The following LCORL variants were observed in gnomAD, a reference collection of about 807,000 sequenced individuals.
LCORL encodes ligand-dependent nuclear receptor corepressor-like protein.
LCORL carries 41 observed loss-of-function variants against 141.8 expected under a neutral mutation model. The ratio of observed to expected loss-of-function variants is 0.29; its 90% CI spans 0.23 to 0.38. LCORL has a LOEUF of 0.38. Among genes scored for constraint, LCORL ranks in the 10% least tolerant of loss-of-function variants. LCORL has a pLI of 1.00. For synonymous variants in LCORL, 618 were observed against 694.1 expected (o/e 0.89, Z 1.72); for missense variants, 1,759 against 2,035.0 (o/e 0.86, Z 2.61).
intron 3 of LCORL, 136 bp from the exon 4 acceptor site, chr4:17,962,168 G>A: frequency 2.2e-6 from 1 of 460,234 alleles, no homozygotes; most frequent in South Asian, 5.9e-5. Context: ...TTAGATAGAG[G>A]GAACATAAAA....
chr4:17,950,182 C>T (rs931410012), intron 4 of LCORL, among the ~76,000 whole-genome samples: 1 of 151,998 alleles, frequency 6.6e-6, no homozygotes, highest in East Asian at 1.9e-4. Flanking sequence ...GGAAGCAATG[C>T]TTATTTTATG....
intron 1 of LCORL, among the ~76,000 whole-genome samples, chr4:18,017,534 T>C (rs559312543): frequency 6.6e-6 from 1 of 152,230 alleles, no homozygotes; most frequent in South Asian, 2.1e-4. Context: ...ATCTCTTAAG[T>C]GGTATTCCTG....
In LCORL at chr4:17,933,048, T is replaced by C. The variant is rs1434121102; in HGVS notation, c.431-23703A>G. 2.0e-5 allele frequency among the ~76,000 whole-genome samples: 3 copies of C among 152,222 alleles called. No individual in the cohort carries two copies. The East Asian group carries it at 5.8e-4, about 29-fold the overall frequency. On this transcript the variant is annotated intron_variant, in intron 4 of 7. Coordinates refer to ENST00000635767, the Ensembl canonical transcript of LCORL. ...AATGTTCTTGTTGAGAATTTTGATT[T>C]ACCTGATTTTTATCTTTGTGACTTA...
intron 1 of LCORL, among the ~76,000 whole-genome samples, chr4:18,000,793 T>C (rs1000138673): frequency 3.3e-5 from 5 of 152,234 alleles, no homozygotes; most frequent in Non-Finnish European, 5.9e-5. Flanking sequence ...GATGGGGATA[T>C]GAAGAGACTT....
In LCORL at chr4:18,011,681, C is replaced by A. The variant is rs1161314428; in HGVS notation, c.154+9917G>T. Among the ~76,000 whole-genome samples, 5 of 152,186 alleles carry A rather than the reference C, an allele frequency of 3.3e-5. No individual in the cohort carries two copies. In the East Asian group the frequency reaches 9.6e-4, roughly 29 times the overall value. ...GCAAACTATGGTTTATAGGCCAAAT[C>A]CACCTATTTTTATAAATAAATGTTA... On this transcript the variant is annotated intron_variant, in intron 1 of 7. Coordinates refer to ENST00000635767, the Ensembl canonical transcript of LCORL.
At chr4:17,867,332 T>C (rs146753562) in intron 7 of LCORL, among the ~76,000 whole-genome samples, 74 of 152,286 alleles carry the variant, frequency 4.9e-4, no homozygotes, top group Non-Finnish European at 8.4e-4. Flanking sequence ...CGGCAAACTT[T>C]TCTGCAAAGT....
Position 17,882,737 on chromosome 4 carries a change from G to A in LCORL, c.776+3331C>T, listed in dbSNP as rs1727741615. The A allele has an allele frequency of 6.1e-6, 6 of 983,714 alleles. No individual in the cohort carries two copies. In the South Asian group the frequency reaches 2.4e-4, roughly 39 times the overall value. 60.9% of individuals were successfully genotyped at this position (983,714 alleles called of 1,614,324 possible). A position where few individuals can be genotyped will look rare whatever the true frequency, so the allele number is the denominator to read the frequency against. The stretch of plus-strand genomic sequence containing the variant: ...AGCAAATATATTAAAGTTACACTGA[G>A]GTTTTTCAATAGTAGGAGTGTGTCA... On this transcript the variant is annotated intron_variant, in intron 6 of 7. Transcript: ENST00000635767.
chr4:17,996,656 A>C (rs1720964141), intron 1 of LCORL, among the ~76,000 whole-genome samples: 1 of 152,202 alleles, frequency 6.6e-6, no homozygotes, highest in Middle Eastern at 3.4e-3. Context: ...TTCCTCTGTA[A>C]AATTTCCAGA....
intron 4 of LCORL, among the ~76,000 whole-genome samples, chr4:17,932,240 G>A (rs955484693): frequency 3.9e-5 from 6 of 152,130 alleles, no homozygotes; most frequent in African/African-American, 1.4e-4. Flanking sequence ...TTTAACAGGG[G>A]AGTTCAATGT....
intron 1 of LCORL, among the ~76,000 whole-genome samples, chr4:18,020,991 G>A (rs1374763140): frequency 6.6e-6 from 1 of 152,126 alleles, no homozygotes; most frequent in Non-Finnish European, 1.5e-5. Flanking sequence ...GGCAGAGTTG[G>A]GCGCCCCCCG....
intron 5 of LCORL, among the ~76,000 whole-genome samples, chr4:17,889,286 T>C (rs953510914): frequency 2.0e-5 from 3 of 152,132 alleles, no homozygotes; most frequent in Non-Finnish European, 2.9e-5. Flanking sequence ...AATGACCCTA[T>C]TGAGAAATGC....
chr4:17,911,273 A>G (rs975370897), intron 4 of LCORL, among the ~76,000 whole-genome samples: 1 of 151,434 alleles, frequency 6.6e-6, no homozygotes, highest in African/African-American at 2.5e-5. Flanking sequence ...TTTTATTTAA[A>G]TCACCAAATG....
chr4:17,985,260 G>T (rs1469957450), intron 1 of LCORL, among the ~76,000 whole-genome samples: 1 of 152,050 alleles, frequency 6.6e-6, no homozygotes, highest in Admixed American at 6.6e-5. Context: ...TTTTGGGATG[G>T]AGAGTCCCGT....
At chr4:17,914,803 AT>A (rs1291295633) in intron 4 of LCORL, among the ~76,000 whole-genome samples, 1 of 152,084 alleles carries the variant, frequency 6.6e-6, no homozygotes, top group Non-Finnish European at 1.5e-5. Context: ...TTTTTGCCTT[AT>A]TTCTTCACTT....
chr4:17,953,621 G>C (rs1443156351), intron 4 of LCORL, among the ~76,000 whole-genome samples: 1 of 152,164 alleles, frequency 6.6e-6, no homozygotes, highest in Admixed American at 6.5e-5. Context: ...GCATACTGCA[G>C]CTGTGAGTTA....
At chr4:17,855,763 T>C (rs558659037) in intron 7 of LCORL, among the ~76,000 whole-genome samples, 13 of 152,314 alleles carry the variant, frequency 8.5e-5, no homozygotes, top group Non-Finnish European at 1.0e-4. Flanking sequence ...CCAGGACATA[T>C]GAGGGAGCCC....
intron 7 of LCORL, among the ~76,000 whole-genome samples, chr4:17,868,582 G>T (rs1039849310): frequency 6.6e-6 from 1 of 151,950 alleles, no homozygotes; most frequent in Non-Finnish European, 1.5e-5. Context: ...TCCAACAGTC[G>T]CACTCCATTT....
chr4:17,852,733 TAC>T (rs1229368573), intron 7 of LCORL, among the ~76,000 whole-genome samples: 1 of 152,194 alleles, frequency 6.6e-6, no homozygotes, highest in Admixed American at 6.5e-5. Flanking sequence ...AATGGAAGTT[TAC>T]AGAGTATGTG....
At chr4:17,896,560 G>T in intron 5 of LCORL, among the ~76,000 whole-genome samples, 1 of 152,256 alleles carries the variant, frequency 6.6e-6, no homozygotes, top group African/African-American at 2.4e-5. Context: ...GGGATTACAG[G>T]TGTGAGCCAC....
Sources: allele counts gnomAD v4.1 joint callset (sites outside exome capture counted in the v4.1 genomes callset), GRCh38; gene constraint gnomAD v4.1.1; transcripts MANE v1.5; gene names NCBI Gene and HGNC (gene_info 2026-07-23, HGNC 2026-07-21).